Variants in CDK14 observed in about 807,000 individuals in gnomAD.
CDK14 encodes cyclin dependent kinase 14.
CDK14 carries 34 observed loss-of-function variants against 60.7 expected under a neutral mutation model. The ratio of observed to expected loss-of-function variants is 0.56; its 90% CI spans 0.43 to 0.75. The LOEUF (loss-of-function observed/expected upper bound fraction) is 0.75. Ranked by LOEUF, CDK14 falls within the 30% of genes least tolerant of loss-of-function variation. The pLI, the probability that CDK14 is intolerant of heterozygous loss-of-function variation, is 0.00. For synonymous variants in CDK14, 197 were observed against 203.7 expected (o/e 0.97, Z 0.28); for missense variants, 482 against 564.1 (o/e 0.85, Z 1.47).
At chr7:90,732,031 T>C (rs1802887039) in intron 3 of CDK14, among the ~76,000 whole-genome samples, 1 of 152,186 alleles carries the variant, frequency 6.6e-6, no homozygotes, top group African/African-American at 2.4e-5. Context: ...CCTAGTTTCT[T>C]GAGAGTTTTT....
At chr7:91,067,718 T>C (rs912977111) in intron 11 of CDK14, among the ~76,000 whole-genome samples, 2 of 152,234 alleles carry the variant, frequency 1.3e-5, no homozygotes, top group African/African-American at 2.4e-5. Flanking sequence ...CATGTTTCAC[T>C]ATCAATTTAG....
At chr7:90,964,747 G>A (rs1447873190) in intron 9 of CDK14, among the ~76,000 whole-genome samples, 1 of 152,146 alleles carries the variant, frequency 6.6e-6, no homozygotes, top group Non-Finnish European at 1.5e-5. Flanking sequence ...TATGGTAGAT[G>A]AGGATTTAAC....
chr7:90,917,500 C>A, intron 7 of CDK14, 101 bp from the exon 8 acceptor site: 1 of 1,100,778 alleles, frequency 9.1e-7, no homozygotes, highest in South Asian at 2.1e-5. Context: ...GTGATGGTTA[C>A]CCATTTTCCC....
chr7:90,927,059 C>T (rs951659244), intron 8 of CDK14, among the ~76,000 whole-genome samples: 1 of 152,212 alleles, frequency 6.6e-6, no homozygotes, highest in Admixed American at 6.5e-5. Flanking sequence ...CTTCCCAGCA[C>T]TTCAGTGTGT....
At chr7:91,014,114 T>A (rs576433634) in intron 10 of CDK14, among the ~76,000 whole-genome samples, 89 of 152,176 alleles carry the variant, frequency 5.8e-4, no homozygotes, top group African/African-American at 2.0e-3. Context: ...AGAATTCACA[T>A]TCAGTTTATC....
At chr7:90,919,194 G>T (rs1340406106) in intron 8 of CDK14, among the ~76,000 whole-genome samples, 2 of 152,098 alleles carry the variant, frequency 1.3e-5, no homozygotes, top group Admixed American at 1.3e-4. Flanking sequence ...TTCTTATGGT[G>T]TGTTAATATA....
chr7:90,915,646 T>C (rs1206634904), intron 7 of CDK14, among the ~76,000 whole-genome samples: 2 of 152,210 alleles, frequency 1.3e-5, no homozygotes, highest in East Asian at 1.9e-4. Flanking sequence ...CCTACTGATG[T>C]TGATTTCTGG....
chr7:90,801,350 T>G (rs188272342), intron 5 of CDK14, among the ~76,000 whole-genome samples: 3 of 152,266 alleles, frequency 2.0e-5, no homozygotes, highest in African/African-American at 7.2e-5. Flanking sequence ...TCTCTCCATA[T>G]AGGCTCTTTT....
At chr7:90,875,351 A>G (rs1471171700) in intron 6 of CDK14, among the ~76,000 whole-genome samples, 1 of 151,904 alleles carries the variant, frequency 6.6e-6, no homozygotes, top group African/African-American at 2.4e-5. Flanking sequence ...ATCTTCTTTC[A>G]ATTCTTTTGT....
intron 14 of CDK14, among the ~76,000 whole-genome samples, chr7:91,147,877 A>G (rs1170916475): frequency 1.3e-5 from 2 of 152,200 alleles, no homozygotes; most frequent in Non-Finnish European, 2.9e-5. Context: ...TGACTTTAAA[A>G]TTAGCACGTT....
At chr7:90,801,663 C>CT (rs1788634749) in intron 5 of CDK14, among the ~76,000 whole-genome samples, 4 of 152,108 alleles carry the variant, frequency 2.6e-5, no homozygotes, top group Non-Finnish European at 5.9e-5. Flanking sequence ...CTGTTGGAGT[C>CT]TTTTTTTATT....
intron 14 of CDK14, among the ~76,000 whole-genome samples, chr7:91,140,899 C>A (rs1259775987): frequency 6.6e-6 from 1 of 150,584 alleles, no homozygotes; most frequent in Admixed American, 6.6e-5. Flanking sequence ...TCTTTTTTTT[C>A]CATTTCTTTT....
chr7:90,791,394 G>T (rs1490246584), intron 5 of CDK14, among the ~76,000 whole-genome samples: 1 of 152,046 alleles, frequency 6.6e-6, no homozygotes, highest in African/African-American at 2.4e-5. Context: ...TAAAAGTGCA[G>T]ATTATCTTGA....
intron 2 of CDK14, among the ~76,000 whole-genome samples, chr7:90,669,457 A>T (rs1801055076): frequency 2.0e-5 from 3 of 152,178 alleles, no homozygotes; most frequent in Non-Finnish European, 4.4e-5. Flanking sequence ...TGTTTCAGAG[A>T]TGTACACAGA....
At chr7:91,161,977 C>G (rs554994340) in intron 14 of CDK14, among the ~76,000 whole-genome samples, 2 of 152,266 alleles carry the variant, frequency 1.3e-5, no homozygotes, top group Admixed American at 1.3e-4. Flanking sequence ...ACACGGAAGT[C>G]GAGAAAGTAG....
At chr7:90,679,740 AAATC>A (rs762200683) in intron 2 of CDK14, among the ~76,000 whole-genome samples, 5 of 152,242 alleles carry the variant, frequency 3.3e-5, no homozygotes, top group Non-Finnish European at 7.3e-5. Context: ...CTTTCTTAGC[AAATC>A]AATCAATTTT....
intron 6 of CDK14, among the ~76,000 whole-genome samples, chr7:90,868,142 A>C (rs945861235): frequency 6.6e-6 from 1 of 151,936 alleles, no homozygotes; most frequent in African/African-American, 2.4e-5. Flanking sequence ...AAAAACAAAC[A>C]AACTATTTAT....
In CDK14 at chr7:90,922,930, A is replaced by G. The variant is rs143512593; in HGVS notation, c.826+5206A>G. On this transcript the variant is annotated intron_variant, in intron 8 of 14. Coordinates refer to ENST00000380050, the MANE Select transcript of CDK14 (RefSeq NM_001287135.2). ...TCCTATATACCCGCTTCCCATATGC[A>G]CAGCCTCCCCCACTATTAACATCTG... is the stretch of plus-strand genomic sequence containing the variant. 5.3e-3 allele frequency among the ~76,000 whole-genome samples: 801 copies of G among 152,238 alleles called. 8 individuals carry two copies. The highest frequency in any genetic ancestry group is 0.018 in the African/African-American group (754 of 41,534).
rs1010606436 is a variant in CDK14, at chr7:90,638,776, C to T, written c.123+34527C>T. On this transcript the variant is annotated intron_variant, in intron 2 of 14. Transcript: ENST00000380050. ...GTCACTTTCAGGTACACCAATCAGACGTAGATTTGGTCTTTTCACATAATC... is the reference window on the plus strand; with the variant it reads ...GTCACTTTCAGGTACACCAATCAGATGTAGATTTGGTCTTTTCACATAATC... Among the ~76,000 whole-genome samples, 25 of 152,116 alleles carry T rather than the reference C, an allele frequency of 1.6e-4. No homozygotes were observed. In the East Asian group the frequency reaches 2.3e-3, roughly 14 times the overall value.
Sources: allele counts gnomAD v4.1 joint callset (sites outside exome capture counted in the v4.1 genomes callset), GRCh38; gene constraint gnomAD v4.1.1; transcripts MANE v1.5; gene names NCBI Gene and HGNC (gene_info 2026-07-23, HGNC 2026-07-21).